Variants in KCNJ3 observed in about 807,000 individuals in gnomAD.
The protein encoded by KCNJ3 is potassium inwardly rectifying channel subfamily J member 3.
A neutral mutation model predicts 39.2 loss-of-function variants in KCNJ3; 4 were observed. The observed-to-expected ratio is 0.10, with a 90% confidence interval of 0.05 to 0.23. The LOEUF is 0.23. KCNJ3 is among the 10% of genes least tolerant of loss of function. The probability of loss-of-function intolerance (pLI) is 1.00; values close to 1 mark genes in which losing one functional copy is unlikely to be tolerated. For missense variants in KCNJ3, 276 were observed against 634.9 expected, an observed-to-expected ratio of 0.43 and a Z score of 6.08; for synonymous variants, 230 against 237.4, an observed-to-expected ratio of 0.97 and a Z score of 0.29.
At chr2:154,754,520 C>G (rs1685905032) in intron 2 of KCNJ3, among the ~76,000 whole-genome samples, 1 of 152,224 alleles carries the variant, frequency 6.6e-6, no homozygotes, top group African/African-American at 2.4e-5. Context: ...GGCAATCCAC[C>G]CGCCTTGGCC....
intron 2 of KCNJ3, among the ~76,000 whole-genome samples, chr2:154,716,681 T>C (rs914793023): frequency 6.6e-6 from 1 of 152,228 alleles, no homozygotes; most frequent in Non-Finnish European, 1.5e-5. Flanking sequence ...TTACTACATC[T>C]CTGAATAAAC....
chr2:154,780,043 G>A (rs1012480572), intron 2 of KCNJ3, among the ~76,000 whole-genome samples: 1 of 152,170 alleles, frequency 6.6e-6, no homozygotes, highest in Admixed American at 6.5e-5. Context: ...ATAACAGTAT[G>A]TCATGTACTG....
At chr2:154,791,646 G>A (rs1056104261) in intron 2 of KCNJ3, among the ~76,000 whole-genome samples, 3 of 151,962 alleles carry the variant, frequency 2.0e-5, no homozygotes, top group Non-Finnish European at 2.9e-5. Flanking sequence ...ATAGATAAAG[G>A]ATAAGAGATT....
chr2:154,844,467 A>T (rs983997107), intron 2 of KCNJ3, among the ~76,000 whole-genome samples: 2 of 152,220 alleles, frequency 1.3e-5, no homozygotes, highest in African/African-American at 4.8e-5. Context: ...TGGGAGAACC[A>T]CTGCTCTCTT....
intron 2 of KCNJ3, among the ~76,000 whole-genome samples, chr2:154,823,100 C>T (rs945584058): frequency 7.3e-5 from 11 of 151,676 alleles, no homozygotes; most frequent in South Asian, 2.1e-4. Flanking sequence ...TACTGGGAAC[C>T]GAAACAGATG....
chr2:154,748,106 G>A (rs1685778364), intron 2 of KCNJ3, among the ~76,000 whole-genome samples: 1 of 151,966 alleles, frequency 6.6e-6, no homozygotes, highest in African/African-American at 2.4e-5. Flanking sequence ...TCAACCCTGT[G>A]TGACAAGAAG....
intron 2 of KCNJ3, among the ~76,000 whole-genome samples, chr2:154,729,039 GACTA>G (rs952071454): frequency 1.2e-4 from 19 of 152,066 alleles, no homozygotes; most frequent in Admixed American, 4.6e-4. Flanking sequence ...CAGCTTTGAG[GACTA>G]ACTATGTTTT....
At chr2:154,833,391 G>A (rs1381504785) in intron 2 of KCNJ3, among the ~76,000 whole-genome samples, 1 of 152,162 alleles carries the variant, frequency 6.6e-6, no homozygotes, top group Non-Finnish European at 1.5e-5. Flanking sequence ...AGACTTTAGA[G>A]CAGCTTCAGA....
At chr2:154,787,641 G>C (rs1377311667) in intron 2 of KCNJ3, among the ~76,000 whole-genome samples, 1 of 152,100 alleles carries the variant, frequency 6.6e-6, no homozygotes, top group African/African-American at 2.4e-5. Flanking sequence ...ACATGGCAAA[G>C]CCATATCTCG....
chr2:154,724,409 T>G (rs908828747), intron 2 of KCNJ3, among the ~76,000 whole-genome samples: 1 of 152,142 alleles, frequency 6.6e-6, no homozygotes, highest in Non-Finnish European at 1.5e-5. Flanking sequence ...TTCTGCCCTA[T>G]TTTTTGAACG....
At chr2:154,779,523 A>T (rs997967298) in intron 2 of KCNJ3, among the ~76,000 whole-genome samples, 19 of 145,976 alleles carry the variant, frequency 1.3e-4, no homozygotes, top group South Asian at 2.1e-4. Context: ...TATATTTTTT[A>T]TATATATAGT....
chr2:154,790,339 A>G (rs1055094844), intron 2 of KCNJ3, among the ~76,000 whole-genome samples: 4 of 152,116 alleles, frequency 2.6e-5, no homozygotes, highest in African/African-American at 9.7e-5. Context: ...AGCAGATGCT[A>G]AAGATAATTT....
Position 154,854,709 on chromosome 2 carries a change from T to C in KCNJ3, c.920-18T>C. On this transcript the variant is annotated intron_variant, in intron 2 of 2. Transcript: ENST00000295101. ...TCCACTATGCATAATTTATCAAGAA[T>C]TTTCTCTTTTCTTGTAGGGATGACT... The C allele has an allele frequency of 6.3e-7, 1 of 1,576,238 alleles. No homozygotes were observed. The highest frequency in any genetic ancestry group is 8.7e-7 in the Non-Finnish European group (1 of 1,153,910).
At position 154,843,063 on chromosome 2, in the gene KCNJ3, A is replaced by C. The variant is rs139065579; in HGVS notation, c.920-11664A>C. On this transcript the variant is annotated intron_variant, in intron 2 of 2. Transcript: ENST00000295101. ...GTCTTTACAATTTACATGTTTTTGC[A>C]GTGGCTAGTACTGGTTGTTTCTTTC... Among the ~76,000 whole-genome samples, 484 of 152,248 alleles carry C rather than the reference A, an allele frequency of 3.2e-3. 2 individuals carry two copies. The highest frequency in any genetic ancestry group is 6.7e-3 in the Admixed American group (102 of 15,292).
rs545305077 is a variant in KCNJ3 at position 154,848,815 on chromosome 2, C to T, written c.920-5912C>T. 4.3e-4 allele frequency among the ~76,000 whole-genome samples: 66 copies of T among 152,256 alleles called. 2 individuals carry two copies. In the South Asian group the frequency reaches 0.013, roughly 30 times the overall value. On this transcript the variant is annotated intron_variant, in intron 2 of 2. Coordinates refer to ENST00000295101, the MANE Select transcript of KCNJ3 (RefSeq NM_002239.4). Reference sequence around the variant, plus strand: ...GGGTCGTCTGACACCACAGTACTTACTGCAGGGAGTTGTGCAGAGTGCCTC... The same window carrying T: ...GGGTCGTCTGACACCACAGTACTTATTGCAGGGAGTTGTGCAGAGTGCCTC...
chr2:154,776,231 C>T (rs1197233819), intron 2 of KCNJ3, among the ~76,000 whole-genome samples: 1 of 151,846 alleles, frequency 6.6e-6, no homozygotes, highest in African/African-American at 2.4e-5. Flanking sequence ...CGAACTCCTG[C>T]CCTCAGGTGA....
chr2:154,799,688 T>C (rs1238141011), intron 2 of KCNJ3, among the ~76,000 whole-genome samples: 2 of 152,192 alleles, frequency 1.3e-5, no homozygotes, highest in African/African-American at 2.4e-5. Flanking sequence ...CTTCTTTAAG[T>C]GTAAGTGCTT....
intron 2 of KCNJ3, among the ~76,000 whole-genome samples, chr2:154,815,516 C>A (rs1465549100): frequency 6.6e-6 from 1 of 152,124 alleles, no homozygotes; most frequent in African/African-American, 2.4e-5. Flanking sequence ...ATCACACATG[C>A]CCATGTTTAC....
intron 1 of KCNJ3, among the ~76,000 whole-genome samples, chr2:154,701,038 G>C (rs767824224): frequency 3.3e-5 from 5 of 152,070 alleles, no homozygotes; most frequent in Non-Finnish European, 7.4e-5. Context: ...TTAGTGTATT[G>C]TTATTGACCG....
Sources: gnomAD v4.1 joint callset for allele counts (sites outside exome capture counted in the v4.1 genomes callset) on GRCh38, gnomAD v4.1.1 for gene constraint, MANE v1.5 for transcripts, NCBI Gene and HGNC (gene_info 2026-07-23, HGNC 2026-07-21) for gene names.